RANBP17: variants seen among roughly 807,000 people sequenced by gnomAD.
RANBP17 encodes the protein ran-binding protein 17.
A neutral mutation model predicts 141.2 loss-of-function variants in RANBP17; 158 were observed. The observed-to-expected ratio is 1.12, with a 90% CI of 0.98 to 1.28. The LOEUF (loss-of-function observed/expected upper bound fraction) is 1.28, where lower values mean the gene tolerates loss of function less well. Ranked by LOEUF, RANBP17 falls within the 50% of genes most tolerant of loss-of-function variation. The pLI is 0.00. For missense variants in RANBP17, 1,438 were observed against 1,290.7 expected, an observed-to-expected ratio of 1.11 and a Z score of -1.75; for synonymous variants, 430 against 450.0, an observed-to-expected ratio of 0.96 and a Z score of 0.56.
intron 12 of RANBP17, among the ~76,000 whole-genome samples, chr5:170,937,127 G>A (rs1257544260): frequency 6.6e-6 from 1 of 152,150 alleles, no homozygotes; most frequent in East Asian, 1.9e-4. Flanking sequence ...CATTTGCTAG[G>A]TGGAGGACAC....
intron 14 of RANBP17, among the ~76,000 whole-genome samples, chr5:170,979,751 T>C (rs1217432212): frequency 6.6e-6 from 1 of 152,220 alleles, no homozygotes; most frequent in African/African-American, 2.4e-5. Flanking sequence ...AGTAAACATC[T>C]TTCTTTTGTA....
intron 24 of RANBP17, among the ~76,000 whole-genome samples, chr5:171,244,033 A>G (rs575842772): frequency 6.6e-6 from 1 of 152,166 alleles, no homozygotes; most frequent in Admixed American, 6.5e-5. Flanking sequence ...GGTTGCAGTG[A>G]GCCGAGACTG....
intron 25 of RANBP17, among the ~76,000 whole-genome samples, chr5:171,270,372 C>G (rs1205166674): frequency 6.6e-6 from 1 of 152,050 alleles, no homozygotes; most frequent in African/African-American, 2.4e-5. Context: ...TTGCTTTGAC[C>G]TAACAGTTGA....
chr5:171,189,950 C>T (rs953315089), intron 18 of RANBP17, among the ~76,000 whole-genome samples: 1 of 150,890 alleles, frequency 6.6e-6, no homozygotes, highest in Non-Finnish European at 1.5e-5. Flanking sequence ...AAAATAAAAA[C>T]ATTAGATAAT....
intron 14 of RANBP17, among the ~76,000 whole-genome samples, chr5:170,975,650 C>A (rs916924427): frequency 6.6e-6 from 1 of 152,172 alleles, no homozygotes; most frequent in Non-Finnish European, 1.5e-5. Context: ...ATAAGGGCAC[C>A]TTTTATAAGG....
At chr5:171,248,015 T>G (rs1444164177) in intron 24 of RANBP17, among the ~76,000 whole-genome samples, 5 of 152,170 alleles carry the variant, frequency 3.3e-5, no homozygotes, top group Non-Finnish European at 7.3e-5. Context: ...AAATTATGAA[T>G]AGATAATCTT....
chr5:171,069,510 T>TCATTTAGCAGGGTA (rs1224659204), intron 14 of RANBP17, among the ~76,000 whole-genome samples: 2 of 152,228 alleles, frequency 1.3e-5, no homozygotes, highest in Non-Finnish European at 2.9e-5. Context: ...TACCCTGCCA[T>TCATTTAGCAGGGTA]TGTTGTGTCA....
At chr5:171,030,120 G>A (rs1318852760) in intron 14 of RANBP17, among the ~76,000 whole-genome samples, 1 of 152,014 alleles carries the variant, frequency 6.6e-6, no homozygotes, top group Non-Finnish European at 1.5e-5. Context: ...TGGTCACTAG[G>A]AAGAAGAGAG....
chr5:171,258,120 C>T (rs984452586), intron 24 of RANBP17, among the ~76,000 whole-genome samples: 91 of 12,806 alleles, frequency 7.1e-3, no homozygotes, highest in East Asian at 0.1. Flanking sequence ...AAAAAAAATA[C>T]ACACACACAC....
At chr5:171,201,528 T>C (rs1386737482) in intron 19 of RANBP17, among the ~76,000 whole-genome samples, 1 of 152,214 alleles carries the variant, frequency 6.6e-6, no homozygotes, top group African/African-American at 2.4e-5. Flanking sequence ...TGCAGGAAAA[T>C]GGAGTTAGAT....
intron 14 of RANBP17, among the ~76,000 whole-genome samples, chr5:171,005,712 A>G (rs183559626): frequency 0.012 from 1,770 of 152,358 alleles, 32 homozygotes; most frequent in African/African-American, 0.041. Flanking sequence ...AAACACCAAA[A>G]GCAATGGCAA....
intron 24 of RANBP17, among the ~76,000 whole-genome samples, chr5:171,258,667 A>G (rs1392606435): frequency 6.6e-6 from 1 of 152,206 alleles, no homozygotes; most frequent in African/African-American, 2.4e-5. Context: ...TGCTGGAAAA[A>G]TTGGGCAGCC....
chr5:171,003,984 C>G (rs928195772), intron 14 of RANBP17, among the ~76,000 whole-genome samples: 1 of 152,174 alleles, frequency 6.6e-6, no homozygotes, highest in Non-Finnish European at 1.5e-5. Flanking sequence ...TGATAAGGCA[C>G]AGATATTGAA....
intron 14 of RANBP17, among the ~76,000 whole-genome samples, chr5:170,995,213 C>G (rs1398479918): frequency 6.6e-6 from 1 of 151,976 alleles, no homozygotes; most frequent in Non-Finnish European, 1.5e-5. Context: ...GTATGCATAT[C>G]TTTTCTTTAA....
intron 25 of RANBP17, among the ~76,000 whole-genome samples, chr5:171,278,193 T>C (rs953956331): frequency 6.6e-6 from 1 of 151,904 alleles, no homozygotes; most frequent in Admixed American, 6.6e-5. Flanking sequence ...CTGACCAGCC[T>C]GGGCAACATA....
intron 2 of RANBP17, among the ~76,000 whole-genome samples, chr5:170,880,064 T>C (rs757888800): frequency 7.2e-5 from 11 of 152,198 alleles, no homozygotes; most frequent in Non-Finnish European, 1.5e-4. Context: ...TCCATATGTT[T>C]TACCACTAGT....
At chr5:171,219,912 C>A (rs555538328) in intron 21 of RANBP17, among the ~76,000 whole-genome samples, 1 of 152,122 alleles carries the variant, frequency 6.6e-6, no homozygotes, top group South Asian at 2.1e-4. Context: ...CAAACTCATT[C>A]TCCGTCCAGT....
At chr5:170,961,110 T>TC (rs35401528) in intron 13 of RANBP17, among the ~76,000 whole-genome samples, 93,025 of 152,008 alleles carry the variant, frequency 0.61, 29,859 homozygotes, top group South Asian at 0.89. Context: ...TTTGCCTTGT[T>TC]CGTCCTAGAA....
At chr5:171,259,915 A>G (rs551348236) in intron 24 of RANBP17, among the ~76,000 whole-genome samples, 1 of 152,100 alleles carries the variant, frequency 6.6e-6, no homozygotes, top group Non-Finnish European at 1.5e-5. Flanking sequence ...TGGGAGGTAG[A>G]GGTTGCGACA....
Sources: gnomAD v4.1 joint callset for allele counts (sites outside exome capture counted in the v4.1 genomes callset) on GRCh38, gnomAD v4.1.1 for gene constraint, MANE v1.5 for transcripts, NCBI Gene and HGNC (gene_info 2026-07-23, HGNC 2026-07-21) for gene names.